Variants in SHB observed in about 807,000 individuals in gnomAD.
SHB encodes SH2 domain containing adaptor protein B, also known as SH2 domain-containing adapter protein B.
In SHB, 20 loss-of-function variants were observed where a neutral mutation model predicts 52.3. The observed-to-expected ratio is 0.38, with a 90% confidence interval of 0.27 to 0.56. The LOEUF (loss-of-function observed/expected upper bound fraction) is 0.56. Ranked by LOEUF, SHB falls within the 20% of genes least tolerant of loss-of-function variation. The pLI, the probability that SHB is intolerant of heterozygous loss-of-function variation, is 0.71. For missense variants in SHB, 825 were observed against 723.3 expected, an observed-to-expected ratio of 1.14 and a Z score of -1.61; for synonymous variants, 397 against 316.5, an observed-to-expected ratio of 1.25 and a Z score of -2.70.
intron 5 of SHB, among the ~76,000 whole-genome samples, chr9:37,935,081 G>A (rs1832353500): frequency 6.6e-6 from 1 of 152,186 alleles, no homozygotes; most frequent in African/African-American, 2.4e-5. Context: ...TATTTTCCTA[G>A]CCTGAAAATC....
intron 5 of SHB, among the ~76,000 whole-genome samples, chr9:37,920,396 A>G (rs868787153): frequency 6.6e-6 from 1 of 152,208 alleles, no homozygotes; most frequent in South Asian, 2.1e-4. Context: ...GACAGGTGCA[A>G]AGTGTGTTCA....
chr9:37,921,076 C>G (rs980276226), intron 5 of SHB, among the ~76,000 whole-genome samples: 1 of 152,222 alleles, frequency 6.6e-6, no homozygotes, highest in African/African-American at 2.4e-5. Context: ...AGCCTGTCCT[C>G]TGCCTGCCCA....
chr9:38,068,168 G>A lies in SHB; in HGVS notation c.478C>T (p.His160Tyr), dbSNP rs1365885936. 6 of 1,439,782 alleles carry A rather than the reference G, an allele frequency of 4.2e-6. No individual in the cohort carries two copies. Among genetic ancestry groups the A allele is most frequent in the South Asian group, 3.0e-5 (2 of 67,416 alleles). The allele number at this position is 1,439,782 out of a possible 1,614,324, so 89.2% of individuals were successfully genotyped here. ...ASSSSSSGSPHLYRSSSERRP... is the reference protein window; with the variant it reads ...ASSSSSSGSPYLYRSSSERRP... ...CGCTCGCTGCTGCTGCGGTAGAGAT[G>A]CGGAGAGCCGGAGGACGAGGACGAG... is the stretch of plus-strand genomic sequence containing the variant. The change falls in exon 1 of 6, where the codon CAT becomes TAT. Residue 160 changes from histidine (H) to tyrosine (Y), a missense_variant. By Grantham distance (83) the His-to-Tyr change is moderately conservative. Transcript: ENST00000377707.
At position 37,917,417 on chromosome 9, in the gene SHB, C is replaced by T. The variant is rs1832114331; in HGVS notation, c.*2404G>A. Reference sequence around the variant, plus strand: ...AGCTGCCAGCTTCCACTGAGACCCTCCCAGAGCCTTTTCTGAGGAGCAATG... The same window carrying T: ...AGCTGCCAGCTTCCACTGAGACCCTTCCAGAGCCTTTTCTGAGGAGCAATG... On this transcript the variant is annotated 3_prime_UTR_variant, in exon 6 of 6. Transcript: ENST00000377707. 6.6e-6 allele frequency among the ~76,000 whole-genome samples: 1 copy of T among 152,178 alleles called. No individual in the cohort carries two copies. Among genetic ancestry groups the T allele is most frequent in the Non-Finnish European group, 1.5e-5 (1 of 68,028 alleles).
chr9:37,952,007 G>A (rs1001301281), intron 4 of SHB, among the ~76,000 whole-genome samples: 4 of 152,210 alleles, frequency 2.6e-5, no homozygotes, highest in East Asian at 1.9e-4. Context: ...CGTGGGGTTG[G>A]CCAGTCAGGT....
chr9:38,065,716 A>G (rs1187753562), intron 1 of SHB, among the ~76,000 whole-genome samples: 1 of 152,184 alleles, frequency 6.6e-6, no homozygotes, highest in Admixed American at 6.5e-5. Flanking sequence ...AGATCTTCTA[A>G]AAAACCATAT....
At chr9:37,981,759 C>T (rs1587227161) in intron 2 of SHB, among the ~76,000 whole-genome samples, 1 of 152,164 alleles carries the variant, frequency 6.6e-6, no homozygotes, top group East Asian at 1.9e-4. Context: ...TATTAATAGG[C>T]CTGATTTCAA....
chr9:37,937,423 T>A (rs1179068153), intron 5 of SHB, among the ~76,000 whole-genome samples: 1 of 152,084 alleles, frequency 6.6e-6, no homozygotes, highest in Non-Finnish European at 1.5e-5. Context: ...AACCCAATTG[T>A]TTCTGATATT....
At chr9:38,041,269 T>G (rs1821571721) in intron 1 of SHB, among the ~76,000 whole-genome samples, 1 of 152,106 alleles carries the variant, frequency 6.6e-6, no homozygotes, top group Non-Finnish European at 1.5e-5. Flanking sequence ...CCAGCTCCCT[T>G]CCCATAACCA....
chr9:38,030,007 C>A (rs917721155), intron 1 of SHB, among the ~76,000 whole-genome samples: 5 of 152,192 alleles, frequency 3.3e-5, no homozygotes, highest in Non-Finnish European at 5.9e-5. Flanking sequence ...TGGTTTTCTC[C>A]ACATCACTGC....
chr9:37,970,989 A>AT (rs1180319371), intron 3 of SHB, among the ~76,000 whole-genome samples: 3 of 152,056 alleles, frequency 2.0e-5, no homozygotes, highest in Non-Finnish European at 4.4e-5. Context: ...GAGGGTAATG[A>AT]TTTTGGCCAG....
chr9:37,974,752 A>G lies in SHB; in HGVS notation c.924T>C (p.Val308=), dbSNP rs1820634913. ...DTPYEPEGQS[V]DSDSESTVSP... ...TGACTGTGCTCTCCGAGTCTGAGTC[A>G]ACACTTTGGCCTTCAGGTTCGTAAG... The change falls in exon 3 of 6, where the codon GTT becomes GTC. Residue 308 remains valine (V), a synonymous_variant. Coordinates refer to ENST00000377707, the MANE Select transcript of SHB (RefSeq NM_003028.3). 6.2e-7 allele frequency: 1 copy of G among 1,614,100 alleles called. No homozygotes were observed. Among genetic ancestry groups the G allele is most frequent in the East Asian group, 2.2e-5 (1 of 44,872 alleles).
intron 3 of SHB, among the ~76,000 whole-genome samples, chr9:37,968,033 T>C (rs1471385701): frequency 6.6e-6 from 1 of 152,206 alleles, no homozygotes; most frequent in African/African-American, 2.4e-5. Flanking sequence ...GTGCTTCCCA[T>C]TGCCAGGCAT....
rs1822012066 is a variant in SHB at position 38,068,665 on chromosome 9, C to T, written c.-20G>A. 3 of 1,323,740 alleles carry T rather than the reference C, an allele frequency of 2.3e-6. No individual in the cohort carries two copies. Among genetic ancestry groups the T allele is most frequent in the Non-Finnish European group, 2.9e-6 (3 of 1,043,678 alleles). 82.0% of individuals were successfully genotyped at this position (1,323,740 alleles called of 1,614,324 possible). On this transcript the variant is annotated 5_prime_UTR_variant, in exon 1 of 6. Coordinates refer to ENST00000377707, the MANE Select transcript of SHB (RefSeq NM_003028.3). ...GGCCATGGCGAGAGGCCGCCTAGGG[C>T]CGCGGCGCGGGAGCCCGGTCCGCCG...
chr9:37,988,637 G>C (rs1820840301), intron 2 of SHB, among the ~76,000 whole-genome samples: 1 of 152,168 alleles, frequency 6.6e-6, no homozygotes, highest in Non-Finnish European at 1.5e-5. Context: ...TGCCTGGGAT[G>C]GTTCTTTTTA....
At position 37,979,638 on chromosome 9, in the gene SHB, AAAC is replaced by A. The variant is rs555605636; in HGVS notation, c.839-4804_839-4802del. On this transcript the variant is annotated intron_variant, in intron 2 of 5. Transcript: ENST00000377707. ...CCTCCCTGAAAAAAAAAAAACAAAA[AAAC>A]AACAACAACAAAAAAAACAGGCCCC... is the stretch of plus-strand genomic sequence containing the variant. 3.9e-3 allele frequency among the ~76,000 whole-genome samples: 592 copies of A among 152,072 alleles called. 3 individuals carry two copies. The highest frequency in any genetic ancestry group is 0.014 in the African/African-American group (569 of 41,502).
At chr9:37,972,231 A>T (rs977431360) in intron 3 of SHB, among the ~76,000 whole-genome samples, 2 of 152,160 alleles carry the variant, frequency 1.3e-5, no homozygotes, top group African/African-American at 4.8e-5. Flanking sequence ...CCCTTTAATC[A>T]AACTGGTGTT....
At chr9:37,987,788 A>G (rs1387407278) in intron 2 of SHB, among the ~76,000 whole-genome samples, 1 of 152,150 alleles carries the variant, frequency 6.6e-6, no homozygotes, top group Non-Finnish European at 1.5e-5. Context: ...TATTCAGCAC[A>G]TTCTAGATGC....
At chr9:38,040,251 C>T (rs547227697) in intron 1 of SHB, among the ~76,000 whole-genome samples, 69 of 152,294 alleles carry the variant, frequency 4.5e-4, no homozygotes, top group African/African-American at 1.5e-3. Context: ...CTCGACTGCG[C>T]CACTGGCTGG....
Sources: allele counts gnomAD v4.1 joint callset (sites outside exome capture counted in the v4.1 genomes callset), GRCh38; gene constraint gnomAD v4.1.1; transcripts MANE v1.5; gene names NCBI Gene and HGNC (gene_info 2026-07-23, HGNC 2026-07-21).